Variants in ZDHHC14 observed in about 807,000 individuals in gnomAD.
ZDHHC14 encodes the protein zDHHC palmitoyltransferase 14, also known as palmitoyltransferase ZDHHC14.
ZDHHC14 carries 16 observed loss-of-function variants against 47.7 expected under a neutral mutation model. The observed-to-expected ratio is 0.34, with a 90% CI of 0.23 to 0.51. The LOEUF is 0.51. ZDHHC14 is among the 20% of genes least tolerant of loss of function. The probability of loss-of-function intolerance (pLI) is 0.97; values close to 1 mark genes in which losing one functional copy is unlikely to be tolerated. For synonymous variants in ZDHHC14, 293 were observed against 278.9 expected, an observed-to-expected ratio of 1.05 and a Z score of -0.50; for missense variants, 515 against 662.5, an observed-to-expected ratio of 0.78 and a Z score of 2.44.
intron 1 of ZDHHC14, among the ~76,000 whole-genome samples, chr6:157,528,105 G>T (rs1216160329): frequency 6.6e-6 from 1 of 152,114 alleles, no homozygotes; most frequent in Non-Finnish European, 1.5e-5. Context: ...AATTAAATAT[G>T]CTTTTTCCAG....
chr6:157,447,618 C>A (rs1250020567), intron 1 of ZDHHC14, among the ~76,000 whole-genome samples: 1 of 152,110 alleles, frequency 6.6e-6, no homozygotes, highest in Non-Finnish European at 1.5e-5. Flanking sequence ...GGCAGGGCTG[C>A]AGGCAGGGTG....
chr6:157,438,722 T>G (rs1238102442), intron 1 of ZDHHC14, among the ~76,000 whole-genome samples: 3 of 152,238 alleles, frequency 2.0e-5, no homozygotes, highest in Non-Finnish European at 2.9e-5. Context: ...TCAGGCATTG[T>G]TTTTGAAATC....
chr6:157,473,988 CTTT>C (rs34287258), intron 1 of ZDHHC14, among the ~76,000 whole-genome samples: 3 of 118,574 alleles, frequency 2.5e-5, no homozygotes, highest in Non-Finnish European at 3.5e-5. Flanking sequence ...ATTTTCTTTT[CTTT>C]TTTTTTTTTT....
At chr6:157,460,088 A>G (rs1379140562) in intron 1 of ZDHHC14, among the ~76,000 whole-genome samples, 3 of 150,062 alleles carry the variant, frequency 2.0e-5, no homozygotes, top group Admixed American at 2.0e-4. Flanking sequence ...AGCCAGGTCT[A>G]GCTACTTGGG....
chr6:157,490,885 A>T (rs1007930214), intron 1 of ZDHHC14, among the ~76,000 whole-genome samples: 1 of 152,236 alleles, frequency 6.6e-6, no homozygotes, highest in African/African-American at 2.4e-5. Flanking sequence ...GCTCTGCAAC[A>T]GTTATCTTAT....
chr6:157,454,492 C>T lies in ZDHHC14; in HGVS notation c.245+72226C>T, dbSNP rs531315329. Among the ~76,000 whole-genome samples the T allele has an allele frequency of 2.9e-3, 300 of 102,786 alleles. 2 individuals carry two copies. The highest frequency in any genetic ancestry group is 9.2e-3 in the African/African-American group (286 of 30,946). The allele number at this position is 102,786 out of a possible 152,430, so 67.4% of individuals were successfully genotyped here. A position where few individuals can be genotyped will look rare whatever the true frequency, so the allele number is the denominator to read the frequency against. ...TGATTTTAAAATGCTTTTAATGCAG[C>T]TTCTTCTTTTTTTTTTTTTTTTTTG... On this transcript the variant is annotated intron_variant, in intron 1 of 8. Coordinates refer to ENST00000359775, the MANE Select transcript of ZDHHC14 (RefSeq NM_024630.3).
chr6:157,562,701 G>A, intron 2 of ZDHHC14, among the ~76,000 whole-genome samples: 1 of 152,174 alleles, frequency 6.6e-6, no homozygotes, highest in Non-Finnish European at 1.5e-5. Context: ...ACAGGACCTG[G>A]GAATCTGCAT....
chr6:157,636,561 C>T (rs376264288), intron 5 of ZDHHC14, among the ~76,000 whole-genome samples: 26 of 152,070 alleles, frequency 1.7e-4, no homozygotes, highest in African/African-American at 5.6e-4. Context: ...ATTATGGACC[C>T]GAGGTCCTGC....
chr6:157,613,723 G>C (rs1784841124), intron 3 of ZDHHC14, among the ~76,000 whole-genome samples: 1 of 152,124 alleles, frequency 6.6e-6, no homozygotes, highest in Admixed American at 6.5e-5. Flanking sequence ...AGTTATTTCA[G>C]TTTCTGTGAA....
rs3056787 is a variant in ZDHHC14 at position 157,643,650 on chromosome 6, AATATATAT to A, written c.753-2068_753-2061del. Among the ~76,000 whole-genome samples the A allele has an allele frequency of 4.1e-4, 30 of 72,536 alleles. 3 individuals are homozygous for A. Among genetic ancestry groups the A allele is most frequent in the East Asian group, 1.5e-3 (4 of 2,690 alleles). 47.6% of individuals were successfully genotyped at this position (72,536 alleles called of 152,430 possible). ...GCAACAAAAGCAAAACTTCATCTCA[AATATATAT>A]ATATATATATATATATATGCTGTAT... On this transcript the variant is annotated intron_variant, in intron 5 of 8. Transcript: ENST00000359775.
At chr6:157,635,511 G>A (rs1776929020) in intron 5 of ZDHHC14, among the ~76,000 whole-genome samples, 1 of 152,218 alleles carries the variant, frequency 6.6e-6, no homozygotes, top group Non-Finnish European at 1.5e-5. Context: ...CAACCACTAT[G>A]TACTTGACAA....
intron 1 of ZDHHC14, among the ~76,000 whole-genome samples, chr6:157,423,039 A>T (rs542435591): frequency 1.3e-5 from 2 of 152,222 alleles, no homozygotes; most frequent in Non-Finnish European, 2.9e-5. Context: ...TCCAGGCCAA[A>T]CAAACTAGAC....
chr6:157,542,202 A>C (rs1227973951), intron 1 of ZDHHC14, among the ~76,000 whole-genome samples: 1 of 152,124 alleles, frequency 6.6e-6, no homozygotes, highest in Admixed American at 6.5e-5. Context: ...CTGTTATGTA[A>C]TCCCAGGGGA....
intron 1 of ZDHHC14, among the ~76,000 whole-genome samples, chr6:157,443,532 A>G (rs1041958129): frequency 2.6e-5 from 4 of 152,200 alleles, no homozygotes; most frequent in African/African-American, 9.7e-5. Context: ...GTGGAATTTT[A>G]ATAAAACCAA....
chr6:157,634,450 C>G (rs747460436), intron 5 of ZDHHC14, among the ~76,000 whole-genome samples: 3 of 152,138 alleles, frequency 2.0e-5, no homozygotes, highest in Non-Finnish European at 4.4e-5. Context: ...CCAACTCTAC[C>G]AGGGGTGACA....
In ZDHHC14 at chr6:157,381,971, G is replaced by A. The variant is rs966643800; in HGVS notation, c.-51G>A. On this transcript the variant is annotated 5_prime_UTR_variant, in exon 1 of 9. Transcript: ENST00000359775. ...GCGGTCGTGGCTCGGCGGGGCCCGCGCGGCCGGGGGGCTCCTGGGGGTGTG... is the reference window on the plus strand; with the variant it reads ...GCGGTCGTGGCTCGGCGGGGCCCGCACGGCCGGGGGGCTCCTGGGGGTGTG... 113 of 1,072,560 alleles carry A rather than the reference G, an allele frequency of 1.1e-4. No homozygotes were observed. In the African/African-American group the frequency reaches 1.8e-3, roughly 17 times the overall value. 66.4% of individuals were successfully genotyped at this position (1,072,560 alleles called of 1,614,324 possible). A position where few individuals can be genotyped will look rare whatever the true frequency, so the allele number is the denominator to read the frequency against.
intron 3 of ZDHHC14, among the ~76,000 whole-genome samples, chr6:157,618,151 A>T (rs1785040145): frequency 6.6e-6 from 1 of 152,146 alleles, no homozygotes; most frequent in South Asian, 2.1e-4. Context: ...AGATGGCGTA[A>T]GGTCAACGCT....
At chr6:157,493,793 GCA>G (rs1460251677) in intron 1 of ZDHHC14, among the ~76,000 whole-genome samples, 1 of 152,220 alleles carries the variant, frequency 6.6e-6, no homozygotes, top group Admixed American at 6.5e-5. Context: ...AAGTAGGCCG[GCA>G]CACACAGGTG....
rs753333247 is a variant in ZDHHC14 at position 157,524,430 on chromosome 6, G to A, written c.246-18155G>A. 5.3e-5 allele frequency among the ~76,000 whole-genome samples: 8 copies of A among 152,168 alleles called. No individual in the cohort carries two copies. The East Asian group carries it at 1.2e-3, about 22-fold the overall frequency. ...ATTATAGGCGTGAGCCACCACACCCGGCATATTTGCAATTTTTTTTAATAG... is the reference window on the plus strand; with the variant it reads ...ATTATAGGCGTGAGCCACCACACCCAGCATATTTGCAATTTTTTTTAATAG... On this transcript the variant is annotated intron_variant, in intron 1 of 8. Transcript: ENST00000359775.
Sources: gnomAD v4.1 joint callset for allele counts (sites outside exome capture counted in the v4.1 genomes callset) on GRCh38, gnomAD v4.1.1 for gene constraint, MANE v1.5 for transcripts, NCBI Gene and HGNC (gene_info 2026-07-23, HGNC 2026-07-21) for gene names.